ADGRL3: variants seen among roughly 807,000 people sequenced by gnomAD.
ADGRL3 encodes the protein adhesion G protein-coupled receptor L3, also known as calcium-independent alpha-latrotoxin receptor 3.
ADGRL3 carries 62 observed loss-of-function variants against 153.5 expected under a neutral mutation model. The ratio of observed to expected loss-of-function variants is 0.40; its 90% CI spans 0.33 to 0.50. The LOEUF is 0.50. ADGRL3 is among the 20% of genes least tolerant of loss of function. The pLI is 0.47. For missense variants in ADGRL3, 1,641 were observed against 1,859.4 expected (o/e 0.88, Z 2.16); for synonymous variants, 710 against 672.5 (o/e 1.06, Z -0.86).
At chr4:61,233,687 G>GGT (rs1484328401) in intron 1 of ADGRL3, among the ~76,000 whole-genome samples, 2 of 151,716 alleles carry the variant, frequency 1.3e-5, no homozygotes, top group East Asian at 1.9e-4. Flanking sequence ...AAATAAAAGT[G>GGT]GTGTGTGTGT....
At chr4:61,890,933 TTTGATTTATTATATATGCAAATTA>T (rs2098577460) in intron 9 of ADGRL3, among the ~76,000 whole-genome samples, 1 of 151,952 alleles carries the variant, frequency 6.6e-6, no homozygotes, top group African/African-American at 2.4e-5. Flanking sequence ...TTTTAAAACA[TTTGATTTATTATATATGCAAATTA>T]TATATATTAG....
chr4:61,288,947 C>T (rs927898041), intron 1 of ADGRL3, among the ~76,000 whole-genome samples: 9 of 151,672 alleles, frequency 5.9e-5, no homozygotes, highest in Admixed American at 4.0e-4. Flanking sequence ...GGGCACTAAT[C>T]GTTCAGAAAC....
At chr4:61,579,401 T>A (rs1008006758) in intron 4 of ADGRL3, among the ~76,000 whole-genome samples, 11 of 152,118 alleles carry the variant, frequency 7.2e-5, no homozygotes, top group Admixed American at 2.0e-4. Flanking sequence ...ATGTGAAATT[T>A]GACAAAGTTT....
At chr4:61,312,735 G>A (rs73216313) in intron 1 of ADGRL3, among the ~76,000 whole-genome samples, 4,498 of 152,266 alleles carry the variant, frequency 0.03, 205 homozygotes, top group African/African-American at 0.1. Flanking sequence ...ACCAGCAAAT[G>A]TTGGTGAAGA....
intron 4 of ADGRL3, among the ~76,000 whole-genome samples, chr4:61,524,710 G>A (rs986763255): frequency 1.3e-5 from 2 of 152,068 alleles, no homozygotes; most frequent in African/African-American, 2.4e-5. Flanking sequence ...GGTAAAGCAT[G>A]TGGTTCCTGA....
rs920426979 is a variant in ADGRL3 at position 61,972,015 on chromosome 4, T to C, written c.2806-7548T>C. 4.3e-3 allele frequency among the ~76,000 whole-genome samples: 661 copies of C among 152,186 alleles called. 6 individuals carry two copies. Among genetic ancestry groups the C allele is most frequent in the African/African-American group, 0.015 (632 of 41,520 alleles). On this transcript the variant is annotated intron_variant, in intron 17 of 26. Transcript: ENST00000683033. Reference sequence around the variant, plus strand: ...TTTTTGATGGGGTTGTTTGTTTTTTTCTTGTAAATTTGTTTGAGTTCATTG... The same window carrying C: ...TTTTTGATGGGGTTGTTTGTTTTTTCCTTGTAAATTTGTTTGAGTTCATTG...
rs941780148 is a variant in ADGRL3, at chr4:62,078,326, T to TAAAC, written c.*7421_*7424dup. The TAAAC allele has an allele frequency of 6.6e-6, 1 of 151,822 alleles. No individual in the cohort carries two copies. The highest frequency in any genetic ancestry group is 2.4e-5 in the African/African-American group (1 of 41,404). The allele number at this position is 151,822 out of a possible 1,614,324, so 9.4% of individuals were successfully genotyped here. On this transcript the variant is annotated 3_prime_UTR_variant, in exon 27 of 27. Coordinates refer to ENST00000683033, the MANE Select transcript of ADGRL3 (RefSeq NM_001387552.1). ...CTACAAACCTCAATAAAAATATCAG[T>TAAAC]AAACAAGAAGTGATGTAGTTACTGT...
At chr4:61,657,630 A>T (rs781504585) in intron 5 of ADGRL3, among the ~76,000 whole-genome samples, 5 of 152,150 alleles carry the variant, frequency 3.3e-5, no homozygotes, top group Non-Finnish European at 7.4e-5. Flanking sequence ...CAGTTACCTG[A>T]ACATTTCTAA....
intron 1 of ADGRL3, among the ~76,000 whole-genome samples, chr4:61,239,506 C>T (rs998322927): frequency 6.6e-5 from 10 of 152,010 alleles, no homozygotes; most frequent in African/African-American, 2.2e-4. Flanking sequence ...ATGGATGTTA[C>T]TCTCCCAGGA....
chr4:61,893,740 T>C (rs762206530), intron 10 of ADGRL3, among the ~76,000 whole-genome samples: 30 of 120,562 alleles, frequency 2.5e-4, no homozygotes, highest in Non-Finnish European at 4.5e-4. Context: ...TGAGACGGAG[T>C]CTCACTCTGT....
At chr4:61,783,570 A>C (rs1277419072) in intron 8 of ADGRL3, among the ~76,000 whole-genome samples, 2 of 152,040 alleles carry the variant, frequency 1.3e-5, no homozygotes, top group Non-Finnish European at 2.9e-5. Flanking sequence ...CCACACTCAA[A>C]ATTATTTTAT....
chr4:61,238,348 G>A (rs1012631953), intron 1 of ADGRL3, among the ~76,000 whole-genome samples: 3 of 151,962 alleles, frequency 2.0e-5, no homozygotes, highest in Non-Finnish European at 2.9e-5. Flanking sequence ...TATACTCTCT[G>A]TTATCTCTAT....
chr4:61,772,258 C>G (rs939938933), intron 8 of ADGRL3, among the ~76,000 whole-genome samples: 1 of 152,182 alleles, frequency 6.6e-6, no homozygotes, highest in Non-Finnish European at 1.5e-5. Context: ...TCCCTCTCCA[C>G]TGGCCACTGC....
At chr4:61,963,608 C>A (rs2098996165) in intron 17 of ADGRL3, among the ~76,000 whole-genome samples, 1 of 152,106 alleles carries the variant, frequency 6.6e-6, no homozygotes, top group African/African-American at 2.4e-5. Flanking sequence ...CTTTTTATGG[C>A]TGCATAGTAT....
chr4:61,744,236 C>G (rs1298031272), intron 8 of ADGRL3, among the ~76,000 whole-genome samples: 2 of 152,202 alleles, frequency 1.3e-5, no homozygotes, highest in Non-Finnish European at 2.9e-5. Flanking sequence ...GAGCCCAACA[C>G]AGCTCAAGGA....
At chr4:62,058,562 C>T (rs947032721) in intron 25 of ADGRL3, among the ~76,000 whole-genome samples, 1 of 152,058 alleles carries the variant, frequency 6.6e-6, no homozygotes, top group Non-Finnish European at 1.5e-5. Flanking sequence ...ATGATGCCTC[C>T]CTTCCAGGAA....
At chr4:61,806,473 A>C (rs1003127330) in intron 8 of ADGRL3, among the ~76,000 whole-genome samples, 1 of 151,832 alleles carries the variant, frequency 6.6e-6, no homozygotes, top group African/African-American at 2.4e-5. Flanking sequence ...ATTTGTATGT[A>C]ATACATATAT....
In ADGRL3 at chr4:61,918,802, A is replaced by C. The variant is rs868454825; in HGVS notation, c.2112+6045A>C. Among the ~76,000 whole-genome samples, 8 of 152,330 alleles carry C rather than the reference A, an allele frequency of 5.3e-5. No individual in the cohort carries two copies. The South Asian group carries it at 1.0e-3, about 20-fold the overall frequency. On this transcript the variant is annotated intron_variant, in intron 13 of 26. Transcript: ENST00000683033. ...GTCTACATTATTACATGCAATATCT[A>C]AACATTTTTGCCCATTCTTTTCAAC...
chr4:61,428,867 CTATCTATA>C (rs2097315392), intron 2 of ADGRL3, among the ~76,000 whole-genome samples: 1 of 120,218 alleles, frequency 8.3e-6, no homozygotes, highest in Non-Finnish European at 1.9e-5. Context: ...ATCTATCTAT[CTATCTATA>C]TCATCTATCT....
Sources: allele counts gnomAD v4.1 joint callset (sites outside exome capture counted in the v4.1 genomes callset), GRCh38; gene constraint gnomAD v4.1.1; transcripts MANE v1.5; gene names NCBI Gene and HGNC (gene_info 2026-07-23, HGNC 2026-07-21).